Variants in SHISA9 observed in about 807,000 individuals in gnomAD.
SHISA9 encodes the protein shisa family member 9.
In SHISA9, 13 loss-of-function variants were observed where a neutral mutation model predicts 38.0. The observed-to-expected ratio is 0.34, with a 90% CI of 0.22 to 0.54. The LOEUF (loss-of-function observed/expected upper bound fraction) is 0.54. Ranked by LOEUF, SHISA9 falls within the 20% of genes least tolerant of loss-of-function variation. SHISA9 has a pLI of 0.91. For synonymous variants in SHISA9, 275 were observed against 242.0 expected, an observed-to-expected ratio of 1.14 and a Z score of -1.27; for missense variants, 538 against 575.8, an observed-to-expected ratio of 0.93 and a Z score of 0.67.
At chr16:12,961,659 G>A (rs1353261927) in intron 2 of SHISA9, among the ~76,000 whole-genome samples, 1 of 152,116 alleles carries the variant, frequency 6.6e-6, no homozygotes, top group East Asian at 1.9e-4. Context: ...AACAGTGACC[G>A]CATCATATAT....
intron 2 of SHISA9, among the ~76,000 whole-genome samples, chr16:13,047,669 A>G (rs930758320): frequency 2.6e-5 from 4 of 152,210 alleles, no homozygotes; most frequent in African/African-American, 9.7e-5. Context: ...AAAAGTGAGA[A>G]GAAATAAACA....
chr16:13,102,432 G>A (rs535482340), intron 2 of SHISA9, among the ~76,000 whole-genome samples: 37 of 152,198 alleles, frequency 2.4e-4, no homozygotes, highest in African/African-American at 5.3e-4. Flanking sequence ...TCCTCACCGC[G>A]TGGCCCAGGA....
the SHISA9 span, among the ~76,000 whole-genome samples, chr16:13,471,824 A>G: frequency 3.8e-4 from 58 of 152,314 alleles, no homozygotes; most frequent in Admixed American, 3.6e-3. Flanking sequence ...GTAATCTAAG[A>G]TATTCCTTAC....
chr16:13,470,158 T>C, the SHISA9 span, among the ~76,000 whole-genome samples: 1 of 152,162 alleles, frequency 6.6e-6, no homozygotes, highest in South Asian at 2.1e-4. Context: ...CCTCTCAGAA[T>C]AGGAGATTTG....
the SHISA9 span, among the ~76,000 whole-genome samples, chr16:13,368,671 A>G: frequency 6.6e-6 from 1 of 152,074 alleles, no homozygotes; most frequent in Non-Finnish European, 1.5e-5. Context: ...GTAGAAAAAA[A>G]CAGGCTAATT....
chr16:12,999,192 A>G (rs1227542589), intron 2 of SHISA9, among the ~76,000 whole-genome samples: 2 of 152,182 alleles, frequency 1.3e-5, no homozygotes, highest in African/African-American at 2.4e-5. Flanking sequence ...ACTAGACTAG[A>G]CAGCTCTGCA....
chr16:13,376,261 A>G, the SHISA9 span, among the ~76,000 whole-genome samples: 2 of 152,246 alleles, frequency 1.3e-5, no homozygotes, highest in African/African-American at 4.8e-5. Flanking sequence ...GTGGCAGTAA[A>G]TATTTTGAGC....
intron 4 of SHISA9, among the ~76,000 whole-genome samples, chr16:13,223,304 G>C (rs2051247327): frequency 6.6e-6 from 1 of 152,090 alleles, no homozygotes; most frequent in Non-Finnish European, 1.5e-5. Flanking sequence ...GTGTTGCATG[G>C]CTATAGTCCT....
the SHISA9 span, among the ~76,000 whole-genome samples, chr16:13,545,726 T>A: frequency 1.3e-5 from 2 of 151,982 alleles, no homozygotes; most frequent in African/African-American, 2.4e-5. Context: ...ACATCTGGAG[T>A]TCTGACCTGC....
intron 4 of SHISA9, among the ~76,000 whole-genome samples, chr16:13,232,701 G>A (rs1299202341): frequency 6.6e-6 from 1 of 152,210 alleles, no homozygotes; most frequent in African/African-American, 2.4e-5. Context: ...GGGATGGTGA[G>A]TGGGGAGCTT....
the SHISA9 span, among the ~76,000 whole-genome samples, chr16:13,304,393 G>C: frequency 1.3e-5 from 2 of 152,188 alleles, no homozygotes; most frequent in Non-Finnish European, 2.9e-5. Context: ...CCAAGTATCT[G>C]TGATTACAGA....
At chr16:13,307,318 G>A in the SHISA9 span, among the ~76,000 whole-genome samples, 1 of 152,160 alleles carries the variant, frequency 6.6e-6, no homozygotes, top group African/African-American at 2.4e-5. Flanking sequence ...GAATGGTGTG[G>A]CCTTTCATGT....
chr16:13,193,455 G>A (rs555143931), intron 2 of SHISA9, among the ~76,000 whole-genome samples: 196 of 152,212 alleles, frequency 1.3e-3, no homozygotes, highest in Admixed American at 2.9e-3. Context: ...GGGTTCAAGC[G>A]ATTCTCCTGC....
chr16:13,188,559 A>T (rs1181212541), intron 2 of SHISA9, among the ~76,000 whole-genome samples: 1 of 152,088 alleles, frequency 6.6e-6, no homozygotes, highest in African/African-American at 2.4e-5. Flanking sequence ...CTCTACAAAA[A>T]TAAAAAAATC....
the SHISA9 span, among the ~76,000 whole-genome samples, chr16:13,494,202 A>G: frequency 6.6e-6 from 1 of 152,216 alleles, no homozygotes; most frequent in Non-Finnish European, 1.5e-5. Context: ...TTCCCTTTGT[A>G]TCATCAGTGG....
At chr16:12,970,322 T>TATAC (rs1177066970) in intron 2 of SHISA9, among the ~76,000 whole-genome samples, 1 of 78,894 alleles carries the variant, frequency 1.3e-5, no homozygotes, top group Non-Finnish European at 2.5e-5. Flanking sequence ...TAGGGGTATA[T>TATAC]ATACATATAT....
At chr16:12,973,013 G>A (rs1439894914) in intron 2 of SHISA9, among the ~76,000 whole-genome samples, 2 of 152,184 alleles carry the variant, frequency 1.3e-5, no homozygotes, top group Non-Finnish European at 2.9e-5. Flanking sequence ...CTACTTGGGA[G>A]GCTGAGGCAG....
the SHISA9 span, among the ~76,000 whole-genome samples, chr16:13,261,152 A>C: frequency 2.0e-5 from 3 of 152,176 alleles, no homozygotes; most frequent in Non-Finnish European, 4.4e-5. Flanking sequence ...GCGGGGACAC[A>C]AACCGTATCA....
chr16:13,414,372 C>T, the SHISA9 span, among the ~76,000 whole-genome samples: 2 of 152,138 alleles, frequency 1.3e-5, no homozygotes, highest in Non-Finnish European at 2.9e-5. Flanking sequence ...TGCTCAGCTC[C>T]AGCAGATGAG....
Sources: gnomAD v4.1 joint callset for allele counts (sites outside exome capture counted in the v4.1 genomes callset) on GRCh38, gnomAD v4.1.1 for gene constraint, MANE v1.5 for transcripts, NCBI Gene and HGNC (gene_info 2026-07-23, HGNC 2026-07-21) for gene names.